Variants in BICRA observed in about 807,000 individuals in gnomAD.
The protein encoded by BICRA is BRD4 interacting chromatin remodeling complex associated protein.
In BICRA, 31 loss-of-function variants were observed where a neutral mutation model predicts 96.9. The observed-to-expected ratio is 0.32, with a 90% CI of 0.24 to 0.43. The LOEUF is 0.43. Ranked by LOEUF, BICRA falls within the 20% of genes least tolerant of loss-of-function variation. The pLI is 1.00. For missense variants in BICRA, 2,283 were observed against 2,190.3 expected (o/e 1.04, Z -0.84); for synonymous variants, 1,350 against 1,071.8 (o/e 1.26, Z -5.07).
intron 7 of BICRA, among the ~76,000 whole-genome samples, chr19:47,683,242 T>C (rs1241128318): frequency 2.6e-5 from 4 of 152,202 alleles, no homozygotes; most frequent in Non-Finnish European, 5.9e-5. Context: ...GTTTAACCTT[T>C]ATCAGCAATA....
rs778886293 is a variant in BICRA, at chr19:47,701,760, C to T, written c.4028C>T (p.Ala1343Val). The T allele has an allele frequency of 1.4e-5, 22 of 1,534,898 alleles. No individual in the cohort carries two copies. The East Asian group carries it at 5.2e-4, about 36-fold the overall frequency. The change falls in exon 15 of 15, where the codon GCC (alanine) becomes GTC (valine). Residue 1343 changes from alanine to valine, a missense_variant. Ala to Val is a moderately conservative substitution (Grantham distance 64). Coordinates refer to ENST00000594866, the MANE Select transcript of BICRA (RefSeq NM_001394372.1). The surrounding 1 kb of genome is among the most constrained non-coding windows in gnomAD (Gnocchi z 5.4). ...PPPPPATLKV[A>V]EPPPRPPPPP... is the part of the protein sequence containing the mutation. ...CCACCCCCCGCTACCCTCAAGGTGGCCGAGCCCCCGCCACGGCCGCCACCA... is the reference window on the plus strand; with the variant it reads ...CCACCCCCCGCTACCCTCAAGGTGGTCGAGCCCCCGCCACGGCCGCCACCA...
Position 47,694,998 on chromosome 19 carries a change from T to C in BICRA, c.2994T>C (p.Ser998=). ...GGCCCCTCACCAGCCCCGCTGCGTCTGTGCTGGTCAGTGGGCAGGCCCCAT... is the reference window on the plus strand; with the variant it reads ...GGCCCCTCACCAGCCCCGCTGCGTCCGTGCTGGTCAGTGGGCAGGCCCCAT... ...SLGPLTSPAA[S]VLVSGQAPSG... The change falls in exon 9 of 15, where the codon TCT becomes TCC. Residue 998 remains serine (S), a synonymous_variant. Coordinates refer to ENST00000594866, the MANE Select transcript of BICRA (RefSeq NM_001394372.1). 2.6e-6 allele frequency: 4 copies of C among 1,541,200 alleles called. No individual in the cohort carries two copies. The highest frequency in any genetic ancestry group is 3.5e-6 in the Non-Finnish European group (4 of 1,153,090).
At chr19:47,648,569 CA>C (rs1419741132) in intron 1 of BICRA, among the ~76,000 whole-genome samples, 1 of 151,460 alleles carries the variant, frequency 6.6e-6, no homozygotes, top group African/African-American at 2.4e-5. Context: ...GCCCTGGTGA[CA>C]CTCGAGAAAA....
chr19:47,701,626 G>A lies in BICRA; in HGVS notation c.3894G>A (p.Lys1298=), dbSNP rs1191165442. 1 of 1,577,612 alleles carries A rather than the reference G, an allele frequency of 6.3e-7. No homozygotes were observed. Among genetic ancestry groups the A allele is most frequent in the South Asian group, 1.2e-5 (1 of 86,260 alleles). Reference sequence around the variant, plus strand: ...CCTCCCGCAACCGCCCGCCCATCAAGACCTACGAGGCCCGGAGCCGCATCG... The same window carrying A: ...CCTCCCGCAACCGCCCGCCCATCAAAACCTACGAGGCCCGGAGCCGCATCG... ...PMPSRNRPPI[K]TYEARSRIGL... is the part of the protein sequence containing the mutation. Residue 1298 remains lysine, a synonymous_variant, in exon 15 of 15, where the codon AAG becomes AAA. Coordinates refer to ENST00000594866, the MANE Select transcript of BICRA (RefSeq NM_001394372.1). This position sits in a 1 kb window ranked among gnomAD's most constrained non-coding sequence, Gnocchi z 5.4.
chr19:47,649,038 A>T (rs907028936), intron 1 of BICRA, among the ~76,000 whole-genome samples: 2 of 152,104 alleles, frequency 1.3e-5, no homozygotes, highest in African/African-American at 2.4e-5. Context: ...TTTTTAGTAC[A>T]GACGGGGTTT....
chr19:47,636,450 C>T (rs1480217417), intron 1 of BICRA, among the ~76,000 whole-genome samples: 1 of 152,154 alleles, frequency 6.6e-6, no homozygotes, highest in African/African-American at 2.4e-5. Flanking sequence ...CTCAAGTGAT[C>T]CTCCTGCCTG....
intron 1 of BICRA, among the ~76,000 whole-genome samples, chr19:47,619,180 GTATA>G: frequency 9.2e-6 from 1 of 108,976 alleles, no homozygotes; most frequent in East Asian, 2.4e-4. Flanking sequence ...CGTGGACAGT[GTATA>G]TATATATGTA....
chr19:47,612,112 C>T (rs1409069904), intron 1 of BICRA, among the ~76,000 whole-genome samples: 1 of 152,122 alleles, frequency 6.6e-6, no homozygotes, highest in Non-Finnish European at 1.5e-5. Flanking sequence ...CTCAGGTAAT[C>T]TGACTGGCAT....
At chr19:47,688,491 TA>T (rs1467251419) in intron 7 of BICRA, among the ~76,000 whole-genome samples, 5 of 151,774 alleles carry the variant, frequency 3.3e-5, no homozygotes, top group African/African-American at 9.7e-5. Context: ...AAGCAGTTGG[TA>T]AAAAAAAATT....
At chr19:47,688,156 C>T (rs756172264) in intron 7 of BICRA, among the ~76,000 whole-genome samples, 31 of 151,792 alleles carry the variant, frequency 2.0e-4, no homozygotes, top group African/African-American at 7.3e-4. Flanking sequence ...CGTGGTGGCT[C>T]ATGCCTGTAG....
intron 1 of BICRA, among the ~76,000 whole-genome samples, chr19:47,613,195 G>C (rs535779168): frequency 1.3e-5 from 2 of 152,172 alleles, no homozygotes; most frequent in African/African-American, 4.8e-5. Flanking sequence ...AGAGGCCTAT[G>C]AAGGGGGAGT....
chr19:47,639,655 T>A (rs1972355714), intron 1 of BICRA, among the ~76,000 whole-genome samples: 1 of 81,040 alleles, frequency 1.2e-5, no homozygotes, highest in Non-Finnish European at 2.4e-5. Flanking sequence ...TTTTTTTTTT[T>A]AAGAGACAGG....
intron 1 of BICRA, among the ~76,000 whole-genome samples, chr19:47,616,198 C>T (rs1365961887): frequency 1.3e-5 from 2 of 152,214 alleles, no homozygotes; most frequent in Non-Finnish European, 2.9e-5. Context: ...AGCACAGTGC[C>T]TGGGGTATAG....
chr19:47,667,633 C>T (rs773206659), intron 1 of BICRA, among the ~76,000 whole-genome samples: 2 of 152,076 alleles, frequency 1.3e-5, no homozygotes, highest in South Asian at 2.1e-4. Context: ...CAGGGTCTTG[C>T]GACATCTGCT....
intron 1 of BICRA, among the ~76,000 whole-genome samples, chr19:47,614,686 C>T (rs1971958485): frequency 6.6e-6 from 1 of 152,226 alleles, no homozygotes; most frequent in African/African-American, 2.4e-5. Flanking sequence ...CTGGTCTATG[C>T]ATTGCTTTTT....
chr19:47,695,892 A>G (rs1973333398), intron 10 of BICRA, among the ~76,000 whole-genome samples: 1 of 151,890 alleles, frequency 6.6e-6, no homozygotes, highest in Non-Finnish European at 1.5e-5. Flanking sequence ...GAGGGTGGGG[A>G]CAGCTGAGGC....
intron 5 of BICRA, among the ~76,000 whole-genome samples, chr19:47,676,173 G>A (rs978414564): frequency 3.3e-5 from 5 of 152,084 alleles, no homozygotes; most frequent in Non-Finnish European, 7.4e-5. Flanking sequence ...GAGGGTCCCC[G>A]AGGCCTTGGG....
chr19:47,612,919 G>T (rs1310574451), intron 1 of BICRA, among the ~76,000 whole-genome samples: 1 of 151,750 alleles, frequency 6.6e-6, no homozygotes, highest in Non-Finnish European at 1.5e-5. Context: ...TATTTCCCTT[G>T]GCGAGATGAC....
rs1315393083 is a variant in BICRA at position 47,698,886 on chromosome 19, A to C, written c.3398-79A>C. 3 of 1,361,270 alleles carry C rather than the reference A, an allele frequency of 2.2e-6. No homozygotes were observed. The highest frequency in any genetic ancestry group is 3.1e-6 in the Non-Finnish European group (3 of 974,138). 84.3% of individuals were successfully genotyped at this position (1,361,270 alleles called of 1,614,324 possible). A position where few individuals can be genotyped will look rare whatever the true frequency, so the allele number is the denominator to read the frequency against. On this transcript the variant is annotated intron_variant, in intron 12 of 14. Coordinates refer to ENST00000594866, the MANE Select transcript of BICRA (RefSeq NM_001394372.1). This position sits in a 1 kb window ranked among gnomAD's most constrained non-coding sequence, Gnocchi z 4.8. Reference sequence around the variant, plus strand: ...CGCAGGTCCACGGTGCGCTATGCTGACCCTGCCCCGCCCTCCTTCCTGCGC... The same window carrying C: ...CGCAGGTCCACGGTGCGCTATGCTGCCCCTGCCCCGCCCTCCTTCCTGCGC...
Sources: gnomAD v4.1 joint callset for allele counts (sites outside exome capture counted in the v4.1 genomes callset) on GRCh38, gnomAD v4.1.1 for gene constraint, Gnocchi (gnomAD v3.1) non-coding constraint, MANE v1.5 for transcripts, NCBI Gene and HGNC (gene_info 2026-07-23, HGNC 2026-07-21) for gene names.